The following FBXL7 variants were observed in gnomAD, a reference collection of about 807,000 sequenced individuals.
FBXL7 encodes the protein F-box/LRR-repeat protein 7.
FBXL7 carries 12 observed loss-of-function variants against 38.3 expected under a neutral mutation model. That is an observed-to-expected ratio of 0.31 (90% CI 0.20 to 0.51). FBXL7 has a LOEUF of 0.51. Among genes scored for constraint, FBXL7 ranks in the 20% least tolerant of loss-of-function variants. The pLI, the probability that FBXL7 is intolerant of heterozygous loss-of-function variation, is 0.98. For missense variants in FBXL7, 567 were observed against 676.4 expected, an observed-to-expected ratio of 0.84 and a Z score of 1.79; for synonymous variants, 297 against 300.9, an observed-to-expected ratio of 0.99 and a Z score of 0.13.
intron 2 of FBXL7, among the ~76,000 whole-genome samples, chr5:15,644,699 G>A (rs935440238): frequency 5.3e-5 from 8 of 152,026 alleles, no homozygotes; most frequent in African/African-American, 1.9e-4. Context: ...GAGATGATTG[G>A]AGCCTTAATG....
intron 2 of FBXL7, among the ~76,000 whole-genome samples, chr5:15,899,317 C>T (rs913914510): frequency 8.5e-5 from 13 of 152,312 alleles, no homozygotes; most frequent in Admixed American, 2.0e-4. Flanking sequence ...CCGCCTGCCT[C>T]GGCCTCCCAA....
chr5:15,586,858 T>C lies in FBXL7; in HGVS notation c.38-29125T>C, dbSNP rs541703898. Among the ~76,000 whole-genome samples, 3 of 152,322 alleles carry C rather than the reference T, an allele frequency of 2.0e-5. No homozygotes were observed. In the South Asian group the frequency reaches 6.2e-4, roughly 32 times the overall value. ...TAGAATAGAGACCGTTTAAATTTTC[T>C]TTTTAGTCATTTATCTGGTTAACGT... On this transcript the variant is annotated intron_variant, in intron 1 of 3. Coordinates refer to ENST00000504595, the MANE Select transcript of FBXL7 (RefSeq NM_012304.5).
At chr5:15,906,520 T>C (rs1486894065) in intron 2 of FBXL7, among the ~76,000 whole-genome samples, 1 of 149,508 alleles carries the variant, frequency 6.7e-6, no homozygotes, top group Non-Finnish European at 1.5e-5. Flanking sequence ...AAAATTTTTT[T>C]TTTTTTTTAT....
intron 2 of FBXL7, among the ~76,000 whole-genome samples, chr5:15,776,503 C>T (rs138571330): frequency 6.6e-6 from 1 of 152,154 alleles, no homozygotes; most frequent in East Asian, 1.9e-4. Context: ...AGGGCTTTTG[C>T]CAGCTTCCCC....
rs946379600 is a variant in FBXL7 at position 15,729,229 on chromosome 5, G to A, written c.127+113157G>A. Among the ~76,000 whole-genome samples, 8 of 152,076 alleles carry A rather than the reference G, an allele frequency of 5.3e-5. No individual in the cohort carries two copies. The South Asian group carries it at 1.0e-3, about 20-fold the overall frequency. The stretch of plus-strand genomic sequence containing the variant: ...CGTGGACTATTTCCACATGATCCGT[G>A]CCTTCATATATTTGGGTGTCAGTTT... On this transcript the variant is annotated intron_variant, in intron 2 of 3. Coordinates refer to ENST00000504595, the MANE Select transcript of FBXL7 (RefSeq NM_012304.5).
rs953421406 is a variant in FBXL7, at chr5:15,614,334, A to G, written c.38-1649A>G. On this transcript the variant is annotated intron_variant, in intron 1 of 3. Transcript: ENST00000504595. ...GCCCAGGCTGGAGTGCAATGGCGCA[A>G]TCTTGGCTCACTGCAACCTCCGCCT... 4.0e-5 allele frequency among the ~76,000 whole-genome samples: 6 copies of G among 151,442 alleles called. No homozygotes were observed. In the East Asian group the frequency reaches 7.8e-4, roughly 20 times the overall value.
intron 2 of FBXL7, among the ~76,000 whole-genome samples, chr5:15,872,960 C>A (rs529045933): frequency 1.3e-5 from 2 of 152,290 alleles, no homozygotes; most frequent in South Asian, 4.1e-4. Context: ...CTCTCCACCC[C>A]AAATCAACAG....
At chr5:15,614,274 C>CT (rs375128237) in intron 1 of FBXL7, among the ~76,000 whole-genome samples, 2,416 of 126,480 alleles carry the variant, frequency 0.019, 70 homozygotes, top group African/African-American at 0.065. Context: ...CTTTTCTTTT[C>CT]TTTTTTTTTT....
chr5:15,689,465 T>C lies in FBXL7; in HGVS notation c.127+73393T>C, dbSNP rs1743118266. Among the ~76,000 whole-genome samples, 3 of 152,138 alleles carry C rather than the reference T, an allele frequency of 2.0e-5. No homozygotes were observed. The South Asian group carries it at 6.2e-4, about 32-fold the overall frequency. On this transcript the variant is annotated intron_variant, in intron 2 of 3. Transcript: ENST00000504595. ...GTATCAGTGGGATGACATGTAAAAA[T>C]AGCTGCTACCTGCGGTGTACACATT...
At chr5:15,856,520 A>C (rs1308750362) in intron 2 of FBXL7, among the ~76,000 whole-genome samples, 1 of 152,102 alleles carries the variant, frequency 6.6e-6, no homozygotes, top group Non-Finnish European at 1.5e-5. Context: ...CCTATATAAC[A>C]AACCTGCACA....
chr5:15,553,269 T>A (rs1738139859), intron 1 of FBXL7, among the ~76,000 whole-genome samples: 1 of 152,166 alleles, frequency 6.6e-6, no homozygotes, highest in African/African-American at 2.4e-5. Flanking sequence ...CCTTCTCTCC[T>A]AGGAGTCTTT....
At chr5:15,784,131 A>G (rs554470579) in intron 2 of FBXL7, among the ~76,000 whole-genome samples, 1 of 152,240 alleles carries the variant, frequency 6.6e-6, no homozygotes. Flanking sequence ...TGCTTTGGTC[A>G]AGATTATCTT....
At chr5:15,598,058 G>A (rs1283469831) in intron 1 of FBXL7, among the ~76,000 whole-genome samples, 2 of 152,112 alleles carry the variant, frequency 1.3e-5, no homozygotes, top group Admixed American at 6.6e-5. Flanking sequence ...ATGATAAAAG[G>A]GCTGTAAATG....
chr5:15,734,776 TC>T (rs1353358904), intron 2 of FBXL7, among the ~76,000 whole-genome samples: 1 of 152,212 alleles, frequency 6.6e-6, no homozygotes, highest in Non-Finnish European at 1.5e-5. Context: ...AGAGAAGTAT[TC>T]AAGGAGCACT....
chr5:15,651,071 C>T (rs564602136), intron 2 of FBXL7, among the ~76,000 whole-genome samples: 2 of 151,846 alleles, frequency 1.3e-5, no homozygotes, highest in East Asian at 3.9e-4. Flanking sequence ...GCAGCTACAG[C>T]CTTACAAAAC....
intron 1 of FBXL7, among the ~76,000 whole-genome samples, chr5:15,574,667 T>C (rs915623655): frequency 1.3e-5 from 2 of 152,164 alleles, no homozygotes; most frequent in East Asian, 3.9e-4. Context: ...TAATATGTAA[T>C]GGAGAGAGTG....
intron 2 of FBXL7, among the ~76,000 whole-genome samples, chr5:15,622,557 C>T (rs111521468): frequency 0.25 from 38,062 of 151,946 alleles, 4,951 homozygotes; most frequent in Middle Eastern, 0.3. Context: ...GTCCTTGCGA[C>T]AGTTTGCTGA....
intron 1 of FBXL7, 65 bp downstream of exon 1, chr5:15,500,778 C>T (rs1010931938): frequency 1.3e-6 from 2 of 1,573,554 alleles, no homozygotes; most frequent in African/African-American, 1.4e-5. Context: ...CTCGCCCTCC[C>T]GACTGGGAAG....
chr5:15,675,960 A>G (rs1742641830), intron 2 of FBXL7, among the ~76,000 whole-genome samples: 2 of 152,230 alleles, frequency 1.3e-5, no homozygotes, highest in Admixed American at 1.3e-4. Context: ...AGACAGGGTC[A>G]TTGTAGGTAG....
Sources: gnomAD v4.1 joint callset for allele counts (sites outside exome capture counted in the v4.1 genomes callset) on GRCh38, gnomAD v4.1.1 for gene constraint, MANE v1.5 for transcripts, NCBI Gene and HGNC (gene_info 2026-07-23, HGNC 2026-07-21) for gene names.